SPACA7: variants seen among roughly 807,000 people sequenced by gnomAD.
SPACA7 encodes sperm acrosome associated 7, also known as sperm acrosome-associated protein 7.
Under a neutral mutation model 26.3 loss-of-function variants are expected in SPACA7, and 19 were observed. The ratio of observed to expected loss-of-function variants is 0.72; its 90% CI spans 0.50 to 1.06. The LOEUF (loss-of-function observed/expected upper bound fraction) is 1.06. Ranked by LOEUF, SPACA7 falls within the 50% of genes least tolerant of loss-of-function variation. The pLI is 0.00. For missense variants in SPACA7, 211 were observed against 229.9 expected, an observed-to-expected ratio of 0.92 and a Z score of 0.53; for synonymous variants, 84 against 84.5, an observed-to-expected ratio of 0.99 and a Z score of 0.04.
At chr13:112,432,407 C>T (rs184991247) in intron 5 of SPACA7, 37 bp from the exon 6 acceptor site, 19 of 1,504,124 alleles carry the variant, frequency 1.3e-5, no homozygotes, top group Middle Eastern at 3.4e-4. Context: ...TAATTATTTA[C>T]AAAGAGTGAT....
chr13:112,391,658 T>G (rs1884896369), intron 1 of SPACA7, among the ~76,000 whole-genome samples: 1 of 152,236 alleles, frequency 6.6e-6, no homozygotes, highest in South Asian at 2.1e-4. Context: ...CAATGCACTT[T>G]AAAAACCGCA....
In SPACA7 at chr13:112,398,106, C is replaced by T; in HGVS notation, c.209C>T (p.Pro70Leu). 6.2e-7 allele frequency: 1 copy of T among 1,613,896 alleles called. No homozygotes were observed. ...AATAAAACAACACCGAGCGAAATGC[C>T]AAGTACAGCATCAACATTATCAACA... is the stretch of plus-strand genomic sequence containing the variant. ...DLNKTTPSEM[P>L]STASTLSTPL... Residue 70 changes from proline (P) to leucine (L), a missense_variant, in exon 3 of 7, where the codon CCA (proline) becomes CTA (leucine). Pro to Leu is a moderately conservative substitution (Grantham distance 98). Transcript: ENST00000283550.
intron 5 of SPACA7, among the ~76,000 whole-genome samples, chr13:112,423,518 G>GA (rs1207079291): frequency 1.3e-5 from 2 of 151,668 alleles, no homozygotes; most frequent in African/African-American, 2.4e-5. Context: ...TGTCATAATT[G>GA]AAAAAAAAGT....
chr13:112,405,715 A>G (rs1885945968), intron 5 of SPACA7, among the ~76,000 whole-genome samples: 1 of 152,176 alleles, frequency 6.6e-6, no homozygotes, highest in Non-Finnish European at 1.5e-5. Context: ...CTCCTCTTAC[A>G]TTTTACACCT....
intron 1 of SPACA7, chr13:112,382,561 C>A: frequency 6.5e-7 from 1 of 1,536,424 alleles, no homozygotes; most frequent in Non-Finnish European, 8.8e-7. Context: ...GCAGGCCTGG[C>A]TGGGCTTCCA....
chr13:112,392,282 C>T (rs544786060), intron 1 of SPACA7, among the ~76,000 whole-genome samples: 1 of 152,316 alleles, frequency 6.6e-6, no homozygotes, highest in East Asian at 1.9e-4. Context: ...CTCTCAGGGT[C>T]ACTCAGCACA....
intron 2 of SPACA7, among the ~76,000 whole-genome samples, chr13:112,397,352 CAG>C (rs970152303): frequency 1.3e-5 from 2 of 152,144 alleles, no homozygotes; most frequent in African/African-American, 2.4e-5. Context: ...GACTGTGCTG[CAG>C]AGACAGCGGT....
intron 2 of SPACA7, among the ~76,000 whole-genome samples, chr13:112,394,566 T>G (rs1276364808): frequency 4.0e-5 from 6 of 151,704 alleles, no homozygotes; most frequent in African/African-American, 1.5e-4. Context: ...GCGTGTTTGA[T>G]GGGTTAGGTG....
chr13:112,413,191 T>C (rs1419158188), intron 5 of SPACA7, among the ~76,000 whole-genome samples: 1 of 152,220 alleles, frequency 6.6e-6, no homozygotes, highest in Non-Finnish European at 1.5e-5. Flanking sequence ...CTTCAGATAA[T>C]TGCTTGTTGC....
intron 5 of SPACA7, among the ~76,000 whole-genome samples, chr13:112,409,803 T>C (rs1467910958): frequency 2.0e-5 from 3 of 152,194 alleles, no homozygotes; most frequent in Admixed American, 6.5e-5. Context: ...TGGAAGTCAG[T>C]GTGGCGATTC....
intron 5 of SPACA7, among the ~76,000 whole-genome samples, chr13:112,431,889 G>C (rs1013971718): frequency 2.6e-5 from 4 of 152,224 alleles, no homozygotes; most frequent in Non-Finnish European, 4.4e-5. Flanking sequence ...GCCGGTTTGG[G>C]GGGACTTGGA....
At chr13:112,381,518 C>A (rs1483508530) in intron 1 of SPACA7, among the ~76,000 whole-genome samples, 1 of 151,362 alleles carries the variant, frequency 6.6e-6, no homozygotes, top group Admixed American at 6.6e-5. Flanking sequence ...AAAATGCAGA[C>A]ACGCTATTGT....
intron 1 of SPACA7, among the ~76,000 whole-genome samples, chr13:112,379,828 A>C (rs1478986886): frequency 6.6e-6 from 1 of 152,220 alleles, no homozygotes; most frequent in African/African-American, 2.4e-5. Context: ...GTTGTCAAAA[A>C]TTATAAAAGT....
At chr13:112,417,554 A>G (rs532715326) in intron 5 of SPACA7, among the ~76,000 whole-genome samples, 35 of 152,164 alleles carry the variant, frequency 2.3e-4, no homozygotes, top group Non-Finnish European at 4.4e-4. Context: ...GTCCTTTGTC[A>G]TTCAATTTCT....
chr13:112,397,263 G>A (rs377562144), intron 2 of SPACA7, among the ~76,000 whole-genome samples: 1 of 152,176 alleles, frequency 6.6e-6, no homozygotes, highest in South Asian at 2.1e-4. Context: ...TTCTTCTTGA[G>A]GGACTTTCTG....
intron 2 of SPACA7, among the ~76,000 whole-genome samples, chr13:112,397,225 A>T (rs1284547476): frequency 6.6e-6 from 1 of 152,104 alleles, no homozygotes; most frequent in Non-Finnish European, 1.5e-5. Flanking sequence ...GGGTGACCAG[A>T]CGCCCGCTTT....
chr13:112,392,013 T>G (rs1157050515), intron 1 of SPACA7, among the ~76,000 whole-genome samples: 1 of 152,186 alleles, frequency 6.6e-6, no homozygotes, highest in Non-Finnish European at 1.5e-5. Flanking sequence ...ATCAGCTTTG[T>G]CACTGGTTTA....
intron 6 of SPACA7, among the ~76,000 whole-genome samples, chr13:112,432,788 C>G (rs1285503456): frequency 6.6e-6 from 1 of 152,174 alleles, no homozygotes; most frequent in Non-Finnish European, 1.5e-5. Context: ...CCCCCTTTTC[C>G]CAAGAATAAT....
At chr13:112,401,192 C>T in intron 5 of SPACA7, 28 bp downstream of exon 5, 2 of 1,568,432 alleles carry the variant, frequency 1.3e-6, no homozygotes, top group Non-Finnish European at 1.8e-6. Flanking sequence ...ACACTGAGAG[C>T]TCTGTGGGAG....
Sources: allele counts gnomAD v4.1 joint callset (sites outside exome capture counted in the v4.1 genomes callset), GRCh38; gene constraint gnomAD v4.1.1; transcripts MANE v1.5; gene names NCBI Gene and HGNC (gene_info 2026-07-23, HGNC 2026-07-21).